Variants in CDH1 observed in about 807,000 individuals in gnomAD.
The protein encoded by CDH1 is cadherin-1.
Under a neutral mutation model 84.5 loss-of-function variants are expected in CDH1, and 35 were observed. The ratio of observed to expected loss-of-function variants is 0.41; its 90% CI spans 0.32 to 0.55. The LOEUF is 0.55. Ranked by LOEUF, CDH1 falls within the 20% of genes least tolerant of loss-of-function variation. CDH1 has a pLI of 0.19. For missense variants in CDH1, 994 were observed against 1,126.6 expected (o/e 0.88, Z 1.68); for synonymous variants, 417 against 439.0 (o/e 0.95, Z 0.63).
chr16:68,828,425 C>G, intron 14 of CDH1, 121 bp downstream of exon 14: 1 of 965,372 alleles, frequency 1.0e-6, no homozygotes, highest in Non-Finnish European at 1.6e-6. Flanking sequence ...TTTTTAAGGC[C>G]TTACCCAAGA....
intron 2 of CDH1, among the ~76,000 whole-genome samples, chr16:68,766,810 T>G (rs1660409265): frequency 6.6e-6 from 1 of 151,230 alleles, no homozygotes; most frequent in Non-Finnish European, 1.5e-5. Flanking sequence ...TCACTACAAC[T>G]TCTGCCTCCT....
chr16:68,818,781 T>C (rs1961054447), intron 10 of CDH1, among the ~76,000 whole-genome samples: 1 of 130,532 alleles, frequency 7.7e-6, no homozygotes, highest in Non-Finnish European at 1.5e-5. Flanking sequence ...ACCCAGGAGG[T>C]GGAGCTTGCA....
intron 2 of CDH1, among the ~76,000 whole-genome samples, chr16:68,779,884 A>G (rs1258926289): frequency 6.6e-6 from 1 of 152,036 alleles, no homozygotes; most frequent in Non-Finnish European, 1.5e-5. Flanking sequence ...AAGGGAGGCA[A>G]CTGAGGCCAC....
At chr16:68,757,131 C>G (rs552401609) in intron 2 of CDH1, among the ~76,000 whole-genome samples, 3 of 152,176 alleles carry the variant, frequency 2.0e-5, no homozygotes, top group Non-Finnish European at 2.9e-5. Context: ...CTCTGTCACC[C>G]AGGCTGGAGC....
At chr16:68,739,393 G>C (rs1962499249) in intron 2 of CDH1, among the ~76,000 whole-genome samples, 1 of 151,832 alleles carries the variant, frequency 6.6e-6, no homozygotes, top group Non-Finnish European at 1.5e-5. Context: ...CTCCAACCTG[G>C]GTGACAGAGC....
intron 2 of CDH1, among the ~76,000 whole-genome samples, chr16:68,800,272 T>G (rs1960464384): frequency 6.6e-6 from 1 of 152,162 alleles, no homozygotes; most frequent in South Asian, 2.1e-4. Context: ...GTTAAAGGGC[T>G]GTCTCAGCTC....
chr16:68,740,653 T>C (rs184494693), intron 2 of CDH1, among the ~76,000 whole-genome samples: 68 of 152,274 alleles, frequency 4.5e-4, no homozygotes, highest in Admixed American at 3.2e-3. Context: ...GTCTGGTTTT[T>C]ATTTCTCCCT....
At position 68,737,644 on chromosome 16, in the gene CDH1, G is replaced by C. The variant is rs3743675; in HGVS notation, c.48+181G>C. On this transcript the variant is annotated intron_variant, in intron 1 of 15. Coordinates refer to ENST00000261769, the MANE Select transcript of CDH1 (RefSeq NM_004360.5). ...GGACCCCCCAGTGATGGGAGTGGGG[G>C]GTGGGTGGTGAGGGGCGAGCGCGGC... is the stretch of plus-strand genomic sequence containing the variant. Among the ~76,000 whole-genome samples the C allele has an allele frequency of 0.81, 122,500 of 152,088 alleles. 50,105 individuals are homozygous for C. Among genetic ancestry groups the C allele is most frequent in the Non-Finnish European group, 0.89 (60,215 of 67,978 alleles).
intron 2 of CDH1, among the ~76,000 whole-genome samples, chr16:68,778,411 C>A (rs1315975914): frequency 6.6e-6 from 1 of 152,090 alleles, no homozygotes; most frequent in Non-Finnish European, 1.5e-5. Flanking sequence ...TTTTGAAATG[C>A]CAACAGGGAA....
intron 3 of CDH1, among the ~76,000 whole-genome samples, chr16:68,802,235 T>C (rs915066019): frequency 6.6e-6 from 1 of 152,196 alleles, no homozygotes; most frequent in Non-Finnish European, 1.5e-5. Flanking sequence ...GGTAAAGGCC[T>C]GAACACCGTC....
intron 2 of CDH1, among the ~76,000 whole-genome samples, chr16:68,772,099 G>A (rs895292822): frequency 1.3e-5 from 2 of 152,140 alleles, no homozygotes; most frequent in African/African-American, 4.8e-5. Context: ...TCTGACCTGG[G>A]GCTCTCAACC....
At chr16:68,827,305 A>T (rs1275493510) in intron 13 of CDH1, among the ~76,000 whole-genome samples, 1 of 151,992 alleles carries the variant, frequency 6.6e-6, no homozygotes, top group Non-Finnish European at 1.5e-5. Context: ...AATAAAGATT[A>T]TGCTTCATAG....
intron 2 of CDH1, among the ~76,000 whole-genome samples, chr16:68,766,022 G>A (rs1269680435): frequency 6.6e-6 from 1 of 152,116 alleles, no homozygotes; most frequent in Non-Finnish European, 1.5e-5. Context: ...CACTTTGGGA[G>A]GCCAAGGCAG....
At chr16:68,823,732 T>G (rs1961241363) in intron 13 of CDH1, 106 bp downstream of exon 13, 3 of 767,294 alleles carry the variant, frequency 3.9e-6, no homozygotes, top group African/African-American at 3.5e-5. Context: ...ATAGGTTAGC[T>G]GATGTGGGAA....
At chr16:68,780,945 C>G (rs1187545783) in intron 2 of CDH1, among the ~76,000 whole-genome samples, 3 of 152,198 alleles carry the variant, frequency 2.0e-5, no homozygotes, top group Non-Finnish European at 2.9e-5. Context: ...TTGTAGCAAG[C>G]TCAATGCGGC....
chr16:68,743,529 C>G (rs1032538689), intron 2 of CDH1, among the ~76,000 whole-genome samples: 7 of 151,816 alleles, frequency 4.6e-5, no homozygotes, highest in Non-Finnish European at 1.0e-4. Flanking sequence ...GCATGCCCAG[C>G]TAATTTTTGT....
chr16:68,809,703 T>G (rs1960765998), intron 5 of CDH1, among the ~76,000 whole-genome samples: 1 of 151,998 alleles, frequency 6.6e-6, no homozygotes, highest in African/African-American at 2.4e-5. Context: ...TTTTTGTATT[T>G]TTTGTAGAAA....
At chr16:68,784,050 A>G (rs769921854) in intron 2 of CDH1, among the ~76,000 whole-genome samples, 1 of 152,128 alleles carries the variant, frequency 6.6e-6, no homozygotes, top group Non-Finnish European at 1.5e-5. Context: ...CCCTCTGTCA[A>G]TGATGTGTCT....
At chr16:68,799,957 C>T (rs1960452621) in intron 2 of CDH1, among the ~76,000 whole-genome samples, 1 of 151,626 alleles carries the variant, frequency 6.6e-6, no homozygotes, top group African/African-American at 2.4e-5. Flanking sequence ...TTTCAGTGAG[C>T]CGAGATCGTG....
Sources: gnomAD v4.1 joint callset for allele counts (sites outside exome capture counted in the v4.1 genomes callset) on GRCh38, gnomAD v4.1.1 for gene constraint, MANE v1.5 for transcripts, NCBI Gene and HGNC (gene_info 2026-07-23, HGNC 2026-07-21) for gene names.